The following RAD52 variants were observed in gnomAD, a reference collection of about 807,000 sequenced individuals.
RAD52 encodes the protein RAD52 DNA repair protein.
In RAD52, 47 loss-of-function variants were observed where a neutral mutation model predicts 55.5. The ratio of observed to expected loss-of-function variants is 0.85; its 90% CI spans 0.67 to 1.08. The LOEUF (loss-of-function observed/expected upper bound fraction) is 1.08, where lower values mean the gene tolerates loss of function less well. Among genes scored for constraint, RAD52 ranks in the 50% least tolerant of loss-of-function variants. The probability of loss-of-function intolerance (pLI) is 0.00; values close to 1 mark genes in which losing one functional copy is unlikely to be tolerated. For synonymous variants in RAD52, 184 were observed against 198.9 expected (o/e 0.92, Z 0.63); for missense variants, 468 against 522.8 (o/e 0.90, Z 1.02).
intron 1 of RAD52, among the ~76,000 whole-genome samples, chr12:945,633 A>T (rs572596485): frequency 6.6e-6 from 1 of 151,200 alleles, no homozygotes; most frequent in South Asian, 2.1e-4. Flanking sequence ...CAGGGGTTTC[A>T]CCATGTTGGC....
At chr12:949,436 G>T (rs554702551) in intron 1 of RAD52, 166 bp downstream of exon 1, 1 of 152,258 alleles carries the variant, frequency 6.6e-6, no homozygotes, top group African/African-American at 2.4e-5. Flanking sequence ...GCCCCTCACT[G>T]CACTGGTGAA....
rs753144985 is a variant in RAD52, at chr12:927,206, C to G, written c.406G>C (p.Ala136Pro). ...TTCCTTGCCTTCTCCAAAGATAAAG[C>G]CTTGGACTTGAGGCCCTCACTAACA... Reference protein sequence around the residue: ...YGVSEGLKSKALSLEKARKEA... With the variant: ...YGVSEGLKSKPLSLEKARKEA... Residue 136 changes from alanine (A) to proline (P), a missense_variant, in exon 6 of 12, where the codon GCT becomes CCT. By Grantham distance (27) the Ala-to-Pro change is conservative. Coordinates refer to ENST00000358495, the MANE Select transcript of RAD52 (RefSeq NM_134424.4). 1 of 1,614,178 alleles carries G rather than the reference C, an allele frequency of 6.2e-7. No individual in the cohort carries two copies. The highest frequency in any genetic ancestry group is 8.5e-7 in the Non-Finnish European group (1 of 1,180,034).
At chr12:925,036 T>C (rs1592350759) in intron 7 of RAD52, among the ~76,000 whole-genome samples, 2 of 151,164 alleles carry the variant, frequency 1.3e-5, no homozygotes, top group South Asian at 4.2e-4. Context: ...CTGCAAGCTC[T>C]GCCTCCCGGG....
chr12:913,467 A>G lies in RAD52; in HGVS notation c.1196-15T>C, dbSNP rs1231579937. 2 of 1,559,440 alleles carry G rather than the reference A, an allele frequency of 1.3e-6. No homozygotes were observed. Among genetic ancestry groups the G allele is most frequent in the Non-Finnish European group, 1.8e-6 (2 of 1,135,320 alleles). On this transcript the variant is annotated splice_polypyrimidine_tract_variant and intron_variant, in intron 11 of 11. Transcript: ENST00000358495. ...TTCCCAGTTTCCTATGGAAGACAAA[A>G]TGGCTTAAATGTAGCTGCCATAATT... is the stretch of plus-strand genomic sequence containing the variant.
At position 969,581 on chromosome 12, in the gene RAD52, G is replaced by T. The variant is rs560996894; in HGVS notation, c.-19+20228C>A. 2.6e-5 allele frequency among the ~76,000 whole-genome samples: 4 copies of T among 152,004 alleles called. No individual in the cohort carries two copies. The East Asian group carries it at 7.7e-4, about 29-fold the overall frequency. On this transcript the variant is annotated intron_variant, in intron 1 of 11. Coordinates refer to the RAD52 transcript ENST00000430095. The stretch of plus-strand genomic sequence containing the variant: ...GCAGGAGGATCACTTGAGCCCAGAA[G>T]TTTGAGACCAGCCTGGGCAACACAG...
Position 913,303 on chromosome 12 carries a change from T to G in RAD52, c.*88A>C, listed in dbSNP as rs1470059534. ...AGATAAATCGCAATGACGTTCATTC[T>G]CCAGCAGCGATGAACAATTTCATGA... On this transcript the variant is annotated 3_prime_UTR_variant, in exon 12 of 12. Coordinates refer to ENST00000358495, the MANE Select transcript of RAD52 (RefSeq NM_134424.4). 8.1e-6 allele frequency: 8 copies of G among 985,830 alleles called. No individual in the cohort carries two copies. Among genetic ancestry groups the G allele is most frequent in the Non-Finnish European group, 1.3e-5 (8 of 635,974 alleles). 61.1% of individuals were successfully genotyped at this position (985,830 alleles called of 1,614,324 possible).
chr12:940,085 A>AT (rs150676931), intron 1 of RAD52, among the ~76,000 whole-genome samples: 10,500 of 151,948 alleles, frequency 0.069, 426 homozygotes, highest in African/African-American at 0.084. Flanking sequence ...AAAAAAAAAA[A>AT]GAAGAGAGAA....
intron 1 of RAD52, among the ~76,000 whole-genome samples, chr12:979,358 T>G (rs1470531770): frequency 1.3e-5 from 2 of 151,698 alleles, no homozygotes; most frequent in African/African-American, 2.4e-5. Context: ...TAAGAATCGC[T>G]TGAACCTGGG....
At chr12:987,312 C>T (rs1331676128) in intron 1 of RAD52, among the ~76,000 whole-genome samples, 1 of 152,030 alleles carries the variant, frequency 6.6e-6, no homozygotes, top group East Asian at 1.9e-4. Context: ...TTTTTTTCCT[C>T]TTTGGAAACT....
chr12:935,575 C>T (rs1289413163), intron 1 of RAD52, among the ~76,000 whole-genome samples: 2 of 151,542 alleles, frequency 1.3e-5, no homozygotes, highest in African/African-American at 2.4e-5. Context: ...GAGACAGGGC[C>T]GGGCGTGGTG....
intron 1 of RAD52, chr12:977,212 C>T (rs1958945325): frequency 6.6e-6 from 1 of 152,272 alleles, no homozygotes; most frequent in Non-Finnish European, 1.5e-5. Context: ...TATTTTCTGA[C>T]TTTTCCCGTC....
chr12:958,299 T>C (rs1958637484), intron 1 of RAD52, among the ~76,000 whole-genome samples: 1 of 152,230 alleles, frequency 6.6e-6, no homozygotes, highest in Admixed American at 6.5e-5. Context: ...CACTGCAAAC[T>C]CGGCCTCCTG....
chr12:956,922 G>A (rs1380016215), intron 1 of RAD52, among the ~76,000 whole-genome samples: 1 of 152,132 alleles, frequency 6.6e-6, no homozygotes, highest in East Asian at 1.9e-4. Flanking sequence ...TGAGTTATAA[G>A]ATTATAGTTA....
intron 6 of RAD52, among the ~76,000 whole-genome samples, chr12:926,200 T>C (rs1002578320): frequency 6.6e-6 from 1 of 151,982 alleles, no homozygotes; most frequent in Admixed American, 6.6e-5. Flanking sequence ...TCTGGTGGTT[T>C]TGAGTGTGGG....
chr12:985,684 T>C (rs1959076458), intron 1 of RAD52, among the ~76,000 whole-genome samples: 1 of 152,162 alleles, frequency 6.6e-6, no homozygotes, highest in Non-Finnish European at 1.5e-5. Flanking sequence ...AAAACATTTA[T>C]TTATTTATTT....
Position 927,144 on chromosome 12 carries a change from C to G in RAD52, c.467+1G>C. ...GGTTAGACTCCCAGCCCCGCGCTCA[C>G]CTGAGGGCTCGCTTCAGCCCGTCTG... On this transcript the variant is annotated splice_donor_variant, in intron 6 of 11. Coordinates refer to ENST00000358495, the MANE Select transcript of RAD52 (RefSeq NM_134424.4). LOFTEE classifies it high-confidence loss of function. 1 of 1,613,608 alleles carries G rather than the reference C, an allele frequency of 6.2e-7. No individual in the cohort carries two copies.
At chr12:969,597 G>C (rs1160871193) in intron 1 of RAD52, among the ~76,000 whole-genome samples, 1 of 151,448 alleles carries the variant, frequency 6.6e-6, no homozygotes, top group Non-Finnish European at 1.5e-5. Flanking sequence ...GACCAGCCTG[G>C]GCAACACAGG....
At chr12:962,076 G>A (rs575776300) in intron 1 of RAD52, among the ~76,000 whole-genome samples, 1 of 152,304 alleles carries the variant, frequency 6.6e-6, no homozygotes, top group East Asian at 1.9e-4. Context: ...CACCCAGTCT[G>A]TAGTATTTAG....
chr12:951,022 G>C (rs1592461623), upstream of RAD52, among the ~76,000 whole-genome samples: 3 of 152,246 alleles, frequency 2.0e-5, no homozygotes, highest in South Asian at 6.2e-4. Context: ...AAAGTGCTGG[G>C]ATTACAGGTG....
Sources: gnomAD v4.1 joint callset for allele counts (sites outside exome capture counted in the v4.1 genomes callset) on GRCh38, gnomAD v4.1.1 for gene constraint, MANE v1.5 for transcripts, NCBI Gene and HGNC (gene_info 2026-07-23, HGNC 2026-07-21) for gene names.